INTS2: variants seen among roughly 807,000 people sequenced by gnomAD.
INTS2 encodes KIAA1287.
Under a neutral mutation model 139.6 loss-of-function variants are expected in INTS2, and 57 were observed. That is an observed-to-expected ratio of 0.41 (90% CI 0.33 to 0.51). The LOEUF is 0.51. Among genes scored for constraint, INTS2 ranks in the 20% least tolerant of loss-of-function variants. The probability of loss-of-function intolerance (pLI) is 0.28; values close to 1 mark genes in which losing one functional copy is unlikely to be tolerated. For missense variants in INTS2, 1,196 were observed against 1,436.7 expected (o/e 0.83, Z 2.71); for synonymous variants, 473 against 493.4 (o/e 0.96, Z 0.55).
chr17:61,906,480 T>G (rs1335119222), intron 8 of INTS2, among the ~76,000 whole-genome samples: 1 of 152,182 alleles, frequency 6.6e-6, no homozygotes, highest in Non-Finnish European at 1.5e-5. Context: ...TGTTATTTAC[T>G]TAGTGATCTG....
rs1228140073 is a variant in INTS2, at chr17:61,865,976, GA to G, written c.*1580del. On this transcript the variant is annotated 3_prime_UTR_variant, in exon 25 of 25. Coordinates refer to ENST00000251334, the MANE Select transcript of INTS2 (RefSeq NM_001351695.2). The surrounding 1 kb of genome is among the most constrained non-coding windows in gnomAD (Gnocchi z 4.8). ...GTAGTAACCCCATTTTACAAAGGAA[GA>G]AAATGAGATGTGACTATTTACTAGT... The G allele has an allele frequency of 2.0e-5, 3 of 152,556 alleles. No homozygotes were observed. The highest frequency in any genetic ancestry group is 4.4e-5 in the Non-Finnish European group (3 of 68,010). 9.5% of individuals were successfully genotyped at this position (152,556 alleles called of 1,614,324 possible).
intron 18 of INTS2, among the ~76,000 whole-genome samples, chr17:61,877,151 C>A (rs548349284): frequency 3.4e-4 from 52 of 152,072 alleles, no homozygotes; most frequent in Non-Finnish European, 6.0e-4. Flanking sequence ...AGTAGAAAGT[C>A]AACAGATAAT....
chr17:61,878,425 G>A (rs191676534), intron 17 of INTS2, among the ~76,000 whole-genome samples: 67 of 152,052 alleles, frequency 4.4e-4, no homozygotes, highest in Non-Finnish European at 8.2e-4. Context: ...TGAGCCAGGC[G>A]TGGTGGCAGG....
At chr17:61,891,169 C>A (rs2079289094) in intron 14 of INTS2, among the ~76,000 whole-genome samples, 1 of 151,782 alleles carries the variant, frequency 6.6e-6, no homozygotes, top group Non-Finnish European at 1.5e-5. Flanking sequence ...GTGGCAGGCG[C>A]CTGCAATCCT....
intron 15 of INTS2, 35 bp downstream of exon 15, chr17:61,889,751 C>T: frequency 9.7e-7 from 1 of 1,028,342 alleles, no homozygotes; most frequent in South Asian, 1.4e-5. Context: ...ATAAAATAAA[C>T]TACCACTAGA....
intron 5 of INTS2, among the ~76,000 whole-genome samples, chr17:61,918,927 T>G (rs962507650): frequency 1.8e-4 from 27 of 150,110 alleles, no homozygotes; most frequent in African/African-American, 5.4e-4. Flanking sequence ...CTTGGGGTTT[T>G]TTTTTTTTTT....
chr17:61,885,073 C>G, intron 15 of INTS2, 68 bp from the exon 16 acceptor site: 1 of 1,006,876 alleles, frequency 9.9e-7, no homozygotes, highest in Non-Finnish European at 1.5e-6. Context: ...ACCTTCAACC[C>G]AAATGGAAAC....
At chr17:61,878,948 A>AC (rs2079151858) in intron 17 of INTS2, among the ~76,000 whole-genome samples, 2 of 150,488 alleles carry the variant, frequency 1.3e-5, no homozygotes, top group African/African-American at 4.9e-5. Flanking sequence ...AAAAAAAAAA[A>AC]AAAAAACACT....
At chr17:61,885,338 T>A in intron 15 of INTS2, 1 of 291,014 alleles carries the variant, frequency 3.4e-6, no homozygotes, top group Non-Finnish European at 6.4e-6. Context: ...AATGACAAGA[T>A]CAAATGTGAT....
rs759006273 is a variant in INTS2 at position 61,897,445 on chromosome 17, A to C, written c.1494+24T>G. 1.5e-6 allele frequency: 2 copies of C among 1,337,614 alleles called. No homozygotes were observed. The highest frequency in any genetic ancestry group is 3.0e-5 in the African/African-American group (2 of 66,572). 82.9% of individuals were successfully genotyped at this position (1,337,614 alleles called of 1,614,324 possible). A position where few individuals can be genotyped will look rare whatever the true frequency, so the allele number is the denominator to read the frequency against. ...AGCTTAGAAACACCTTTTTTTTTTT[A>C]GAAAGAAGTTAAAAGAAAATTACCT... On this transcript the variant is annotated intron_variant, in intron 11 of 24. Coordinates refer to ENST00000251334, the MANE Select transcript of INTS2 (RefSeq NM_001351695.2). The surrounding 1 kb of genome is among the most constrained non-coding windows in gnomAD (Gnocchi z 4.4).
intron 3 of INTS2, among the ~76,000 whole-genome samples, chr17:61,922,365 G>A (rs1233105563): frequency 2.7e-5 from 4 of 149,070 alleles, no homozygotes; most frequent in African/African-American, 5.0e-5. Context: ...CTACTCAGGA[G>A]GCTGAGGCAG....
chr17:61,879,071 CTTTTTTT>C (rs943506280), intron 17 of INTS2, among the ~76,000 whole-genome samples: 31 of 34,424 alleles, frequency 9.0e-4, no homozygotes, highest in African/African-American at 3.6e-3. Context: ...CCAGGCTGGT[CTTTTTTT>C]TTTTTTTTTT....
At chr17:61,920,691 T>C (rs1455461893) in intron 4 of INTS2, among the ~76,000 whole-genome samples, 1 of 151,810 alleles carries the variant, frequency 6.6e-6, no homozygotes, top group Non-Finnish European at 1.5e-5. Context: ...TAATCCCAGC[T>C]ACTCAGGAGG....
intron 9 of INTS2, among the ~76,000 whole-genome samples, chr17:61,898,613 A>T (rs970020605): frequency 1.3e-5 from 2 of 150,526 alleles, no homozygotes; most frequent in African/African-American, 4.9e-5. Context: ...GACTTTTTAA[A>T]GGGAATTCCT....
At chr17:61,885,517 C>T (rs2079218668) in intron 15 of INTS2, among the ~76,000 whole-genome samples, 2 of 150,810 alleles carry the variant, frequency 1.3e-5, no homozygotes, top group Non-Finnish European at 1.5e-5. Flanking sequence ...CGGGTTCAAG[C>T]GATTCTCCCG....
chr17:61,905,774 C>T (rs935153802), intron 8 of INTS2, among the ~76,000 whole-genome samples: 2 of 152,022 alleles, frequency 1.3e-5, no homozygotes, highest in South Asian at 2.1e-4. Flanking sequence ...CTTAGCTCAC[C>T]GCAACCTCCA....
At chr17:61,892,479 G>A (rs2079304726) in intron 13 of INTS2, among the ~76,000 whole-genome samples, 1 of 152,114 alleles carries the variant, frequency 6.6e-6, no homozygotes. Flanking sequence ...TACTAGTCAT[G>A]GCAGCTTCCC....
intron 7 of INTS2, among the ~76,000 whole-genome samples, chr17:61,908,347 G>A (rs1303971714): frequency 5.3e-5 from 8 of 152,092 alleles, no homozygotes; most frequent in Admixed American, 3.9e-4. Context: ...CCCAGGAGGC[G>A]GAGGTTACAA....
Position 61,878,018 on chromosome 17 carries a change from G to C in INTS2, c.2325C>G (p.Ala775=). ...QIIEHLTLLS[A]SELIPYAEVL... The stretch of plus-strand genomic sequence containing the variant: ...CTTCCGCATATGGTATAAGTTCACT[G>C]GCAGAGAGTAGAGTCAAGTGTTCTA... The change falls in exon 18 of 25, where the codon GCC becomes GCG. Residue 775 remains alanine, a synonymous_variant. Coordinates refer to ENST00000251334, the MANE Select transcript of INTS2 (RefSeq NM_001351695.2). The C allele has an allele frequency of 6.2e-7, 1 of 1,612,406 alleles. No homozygotes were observed. Among genetic ancestry groups the C allele is most frequent in the East Asian group, 2.2e-5 (1 of 44,856 alleles).
Sources: allele counts gnomAD v4.1 joint callset (sites outside exome capture counted in the v4.1 genomes callset), GRCh38; gene constraint gnomAD v4.1.1; non-coding constraint Gnocchi (gnomAD v3.1); transcripts MANE v1.5; gene names NCBI Gene and HGNC (gene_info 2026-07-23, HGNC 2026-07-21).